UNC5CL: variants seen among roughly 807,000 people sequenced by gnomAD.
UNC5CL encodes unc-5 family C-terminal like, also known as UNC5C-like protein.
A neutral mutation model predicts 54.1 loss-of-function variants in UNC5CL; 42 were observed. The ratio of observed to expected loss-of-function variants is 0.78; its 90% confidence interval spans 0.61 to 1.00. The LOEUF (loss-of-function observed/expected upper bound fraction) is 1.00, where lower values mean the gene tolerates loss of function less well. UNC5CL is among the 50% of genes least tolerant of loss of function. The probability of loss-of-function intolerance (pLI) is 0.00; values close to 1 mark genes in which losing one functional copy is unlikely to be tolerated. For synonymous variants in UNC5CL, 285 were observed against 285.1 expected (o/e 1.00, Z 0.00); for missense variants, 619 against 675.6 (o/e 0.92, Z 0.93).
At chr6:41,037,577 C>T (rs1018131931) in intron 1 of UNC5CL, among the ~76,000 whole-genome samples, 1 of 152,238 alleles carries the variant, frequency 6.6e-6, no homozygotes, top group African/African-American at 2.4e-5. Context: ...AGAACCTCCA[C>T]TGTATCCTCA....
chr6:41,034,571 T>G, intron 2 of UNC5CL, 119 bp downstream of exon 2: 1 of 1,330,408 alleles, frequency 7.5e-7, no homozygotes, highest in Admixed American at 2.4e-5. Context: ...AAAGCTATAC[T>G]CAAAATATAA....
At chr6:41,030,629 A>G (rs776681281) in intron 7 of UNC5CL, 26 bp downstream of exon 7, 1 of 1,613,656 alleles carries the variant, frequency 6.2e-7, no homozygotes, top group Non-Finnish European at 8.5e-7. Context: ...TCCCCCAGGC[A>G]GCAGCCCAAG....
At position 41,028,050 on chromosome 6, in the gene UNC5CL, C is replaced by T; in HGVS notation, c.*323G>A. The T allele has an allele frequency of 2.8e-6, 1 of 358,856 alleles. No individual in the cohort carries two copies. The highest frequency in any genetic ancestry group is 5.1e-6 in the Non-Finnish European group (1 of 196,428). The allele number at this position is 358,856 out of a possible 1,614,324, so 22.2% of individuals were successfully genotyped here. ...GGTCTTCCTAAGTGCTCAGTGAATA[C>T]TTTAGGGCCTGACCGGCCCTAAAGT... On this transcript the variant is annotated 3_prime_UTR_variant, in exon 9 of 9. Transcript: ENST00000244565. This position sits in a 1 kb window ranked among gnomAD's most constrained non-coding sequence, Gnocchi z 4.3.
chr6:41,036,246 A>G (rs1415105100), intron 1 of UNC5CL, among the ~76,000 whole-genome samples: 1 of 152,230 alleles, frequency 6.6e-6, no homozygotes, highest in Non-Finnish European at 1.5e-5. Context: ...AAATTATGAG[A>G]TATTTTTACT....
chr6:41,031,559 G>T, intron 6 of UNC5CL, 122 bp downstream of exon 6: 1 of 970,004 alleles, frequency 1.0e-6, no homozygotes, highest in Non-Finnish European at 1.6e-6. Context: ...GGGGCTCTAT[G>T]GAAAGTGCCA....
At chr6:41,034,621 C>T (rs1267856054) in intron 2 of UNC5CL, 69 bp downstream of exon 2, 2 of 1,536,836 alleles carry the variant, frequency 1.3e-6, no homozygotes, top group Admixed American at 3.6e-5. Flanking sequence ...AACATTGCTC[C>T]CTCAGATGTG....
intron 5 of UNC5CL, 60 bp from the exon 6 acceptor site, chr6:41,031,808 G>T: frequency 6.4e-7 from 1 of 1,567,606 alleles, no homozygotes; most frequent in Non-Finnish European, 8.8e-7. Context: ...GGTAAGAGCA[G>T]GAGAAGGTAA....
Position 41,026,903 on chromosome 6 carries a change from T to C in UNC5CL, c.*1470A>G, listed in dbSNP as rs1478167302. ...GGAAGGCAATTTTCATATTTTATCATTCATCATAGAAAAAAAGCTTTAATA... is the reference window on the plus strand; with the variant it reads ...GGAAGGCAATTTTCATATTTTATCACTCATCATAGAAAAAAAGCTTTAATA... On this transcript the variant is annotated 3_prime_UTR_variant, in exon 9 of 9. Coordinates refer to ENST00000244565, the MANE Select transcript of UNC5CL (RefSeq NM_173561.3). The C allele has an allele frequency of 6.6e-6, 1 of 152,204 alleles. No individual in the cohort carries two copies. Among genetic ancestry groups the C allele is most frequent in the Admixed American group, 6.5e-5 (1 of 15,286 alleles). 9.4% of individuals were successfully genotyped at this position (152,204 alleles called of 1,614,324 possible). A position where few individuals can be genotyped will look rare whatever the true frequency, so the allele number is the denominator to read the frequency against.
Position 41,028,601 on chromosome 6 carries a change from C to A in UNC5CL, c.1335-6G>T, listed in dbSNP as rs753603511. On this transcript the variant is annotated splice_region_variant and splice_polypyrimidine_tract_variant and intron_variant, in intron 8 of 8. Coordinates refer to ENST00000244565, the MANE Select transcript of UNC5CL (RefSeq NM_173561.3). The surrounding 1 kb of genome is among the most constrained non-coding windows in gnomAD (Gnocchi z 4.3). ...TGCGCTGGCAGGACAGGAACCTGGC[C>A]CGAGGTAGGGGAGGAAGAGAAGGGT... is the stretch of plus-strand genomic sequence containing the variant. 6.2e-7 allele frequency: 1 copy of A among 1,612,108 alleles called. No individual in the cohort carries two copies. Among genetic ancestry groups the A allele is most frequent in the Admixed American group, 1.7e-5 (1 of 60,000 alleles).
chr6:41,034,093 C>A lies in UNC5CL; in HGVS notation c.474G>T (p.Gly158=), dbSNP rs770488516. Residue 158 remains glycine, a synonymous_variant, in exon 3 of 9, where the codon GGG becomes GGT. Coordinates refer to ENST00000244565, the MANE Select transcript of UNC5CL (RefSeq NM_173561.3). ...SDAPSLSQAQ[G]LVSPVVACGP... ...CACATGCCACCACAGGGCTTACCAG[C>A]CCCTGGGCTTGGGACAGCGATGGGG... is the stretch of plus-strand genomic sequence containing the variant. 2 of 1,614,040 alleles carry A rather than the reference C, an allele frequency of 1.2e-6. No individual in the cohort carries two copies. The highest frequency in any genetic ancestry group is 2.7e-5 in the African/African-American group (2 of 74,952).
In UNC5CL at chr6:41,029,843, G is replaced by GATT. The variant is rs1554129615; in HGVS notation, c.1334+544_1334+545insAAT. On this transcript the variant is annotated intron_variant, in intron 8 of 8. Transcript: ENST00000244565. The surrounding 1 kb of genome is among the most constrained non-coding windows in gnomAD (Gnocchi z 4.1). ...AGAGCAAGACTCCGTCTCAAATAAT[G>GATT]ATAATAATAATAAATAAAAATCCAC... Among the ~76,000 whole-genome samples the GATT allele has an allele frequency of 6.6e-6, 1 of 151,988 alleles. No individual in the cohort carries two copies. Among genetic ancestry groups the GATT allele is most frequent in the Non-Finnish European group, 1.5e-5 (1 of 68,000 alleles).
rs754417206 is a variant in UNC5CL at position 41,035,007 on chromosome 6, C to T, written c.68G>A (p.Ser23Asn). The change falls in exon 2 of 9, where the codon AGT becomes AAT. Residue 23 changes from serine to asparagine, a missense_variant. Ser to Asn is a conservative substitution (Grantham distance 46). Coordinates refer to ENST00000244565, the MANE Select transcript of UNC5CL (RefSeq NM_173561.3). ...AAGGCATTGGGCCAGAAGGAGGACACTTGCCACTGGGACCCCCACCAGCAG... is the reference window on the plus strand; with the variant it reads ...AAGGCATTGGGCCAGAAGGAGGACATTTGCCACTGGGACCCCCACCAGCAG... The part of the protein sequence containing the change: ...FLLLVGVPVA[S>N]VLLLAQCLRW... 3.1e-6 allele frequency: 5 copies of T among 1,602,624 alleles called. No individual in the cohort carries two copies. The highest frequency in any genetic ancestry group is 2.2e-5 in the East Asian group (1 of 44,564).
At chr6:41,033,785 CAG>C (rs1291591431) in intron 3 of UNC5CL, 94 bp downstream of exon 3, 4 of 1,372,302 alleles carry the variant, frequency 2.9e-6, no homozygotes, top group East Asian at 2.3e-5. Context: ...ATCTTCTATA[CAG>C]AGAGATGAAG....
rs1352943873 is a variant in UNC5CL, at chr6:41,027,835, A to C, written c.*538T>G. On this transcript the variant is annotated 3_prime_UTR_variant, in exon 9 of 9. Coordinates refer to ENST00000244565, the MANE Select transcript of UNC5CL (RefSeq NM_173561.3). ...AAGCATTCTCGCTGCTCCAGCCCGCACTCAGCTCTTCCCCTCTCAACTCCT... is the reference window on the plus strand; with the variant it reads ...AAGCATTCTCGCTGCTCCAGCCCGCCCTCAGCTCTTCCCCTCTCAACTCCT... 1 of 152,722 alleles carries C rather than the reference A, an allele frequency of 6.5e-6. No individual in the cohort carries two copies. The highest frequency in any genetic ancestry group is 1.9e-4 in the East Asian group (1 of 5,188). 9.5% of individuals were successfully genotyped at this position (152,722 alleles called of 1,614,324 possible).
Position 41,033,003 on chromosome 6 carries a change from AG to A in UNC5CL, c.829del (p.Leu277CysfsTer5), listed in dbSNP as rs1331784302. Reference protein sequence around the residue: ...IYFLNNTPCALQWALTNEQPH... With the variant: ...IYFLNNTPCAXQWALTNEQPH... ...CTGCTCGTTGGTCAGTGCCCACTGC[AG>A]GGCGCAGGGCGTGTTGTTGAGGAAG... On this transcript the variant is annotated frameshift_variant, in exon 4 of 9. Coordinates refer to ENST00000244565, the MANE Select transcript of UNC5CL (RefSeq NM_173561.3). LOFTEE classifies it high-confidence loss of function. 6.2e-7 allele frequency: 1 copy of A among 1,606,120 alleles called. No homozygotes were observed. Among genetic ancestry groups the A allele is most frequent in the Non-Finnish European group, 8.5e-7 (1 of 1,176,392 alleles).
intron 6 of UNC5CL, among the ~76,000 whole-genome samples, 168 bp from the exon 7 acceptor site, chr6:41,030,923 C>T (rs1025396340): frequency 6.6e-6 from 1 of 152,180 alleles, no homozygotes; most frequent in African/African-American, 2.4e-5. Flanking sequence ...TACCCACTGT[C>T]TCCCTGTGAC....
chr6:41,030,596 G>A lies in UNC5CL; in HGVS notation c.1220+59C>T. 3.1e-6 allele frequency: 5 copies of A among 1,609,040 alleles called. No individual in the cohort carries two copies. In the Admixed American group the frequency reaches 8.3e-5, roughly 27 times the overall value. ...CCCTAAATGCTGTAGTCACCCTGTG[G>A]GTGCCAGGGTAGGAACCCAACATCC... On this transcript the variant is annotated intron_variant, in intron 7 of 8. Transcript: ENST00000244565.
intron 3 of UNC5CL, 145 bp downstream of exon 3, chr6:41,033,736 G>A: frequency 1.1e-6 from 1 of 896,848 alleles, no homozygotes; most frequent in Non-Finnish European, 1.7e-6. Context: ...GGACAGAGGG[G>A]CCAGAAAGAG....
intron 3 of UNC5CL, 150 bp downstream of exon 3, chr6:41,033,731 G>A: frequency 1.2e-6 from 1 of 848,198 alleles, no homozygotes; most frequent in South Asian, 1.8e-5. Context: ...CATTAGGACA[G>A]AGGGGCCAGA....
Sources: allele counts gnomAD v4.1 joint callset (sites outside exome capture counted in the v4.1 genomes callset), GRCh38; gene constraint gnomAD v4.1.1; non-coding constraint Gnocchi (gnomAD v3.1); transcripts MANE v1.5; gene names NCBI Gene and HGNC (gene_info 2026-07-23, HGNC 2026-07-21).